GRID2: variants seen among roughly 807,000 people sequenced by gnomAD.
GRID2 encodes glutamate receptor ionotropic, delta-2.
Under a neutral mutation model 114.8 loss-of-function variants are expected in GRID2, and 33 were observed. That is an observed-to-expected ratio of 0.29 (90% CI 0.22 to 0.38). The LOEUF is 0.38. Among genes scored for constraint, GRID2 ranks in the 10% least tolerant of loss-of-function variants. GRID2 has a pLI of 1.00. For missense variants in GRID2, 1,184 were observed against 1,257.7 expected, an observed-to-expected ratio of 0.94 and a Z score of 0.89; for synonymous variants, 505 against 449.9, an observed-to-expected ratio of 1.12 and a Z score of -1.55.
chr4:92,940,141 A>T (rs995987732), intron 2 of GRID2, among the ~76,000 whole-genome samples: 2 of 147,170 alleles, frequency 1.4e-5, no homozygotes, highest in Admixed American at 1.5e-4. Context: ...CATTGAAACT[A>T]TAAATTACCT....
At chr4:93,388,407 C>T (rs1035482436) in intron 8 of GRID2, among the ~76,000 whole-genome samples, 15 of 152,040 alleles carry the variant, frequency 9.9e-5, no homozygotes, top group African/African-American at 3.4e-4. Flanking sequence ...GCTTTGGTGT[C>T]GGGATCTTTT....
rs113113146 is a variant in GRID2, at chr4:93,762,005, A to T, written c.2361-7205A>T. ...AGAAGTGCTTCTGCTTCGATGCAAGATTACCTACGTTTTCCAAAGCTAGGA... is the reference window on the plus strand; with the variant it reads ...AGAAGTGCTTCTGCTTCGATGCAAGTTTACCTACGTTTTCCAAAGCTAGGA... On this transcript the variant is annotated intron_variant, in intron 14 of 15. Coordinates refer to ENST00000282020, the MANE Select transcript of GRID2 (RefSeq NM_001510.4). Among the ~76,000 whole-genome samples, 1,077 of 152,308 alleles carry T rather than the reference A, an allele frequency of 7.1e-3. 15 individuals are homozygous for T. Among genetic ancestry groups the T allele is most frequent in the African/African-American group, 0.025 (1,029 of 41,568 alleles).
chr4:93,074,663 T>C (rs1729100627), intron 2 of GRID2, among the ~76,000 whole-genome samples: 1 of 152,066 alleles, frequency 6.6e-6, no homozygotes, highest in African/African-American at 2.4e-5. Context: ...ATCAATGAGA[T>C]AGAGAACAGA....
At chr4:92,518,633 A>C (rs1724621370) in intron 1 of GRID2, among the ~76,000 whole-genome samples, 1 of 151,934 alleles carries the variant, frequency 6.6e-6, no homozygotes, top group South Asian at 2.1e-4. Flanking sequence ...TTTTCACAAC[A>C]ATGGGAATAC....
chr4:92,636,164 G>T (rs62309166), intron 2 of GRID2, among the ~76,000 whole-genome samples: 8,471 of 151,888 alleles, frequency 0.056, 307 homozygotes, highest in East Asian at 0.16. Flanking sequence ...TGGGCCTGCC[G>T]AGTCCTGCTT....
intron 14 of GRID2, among the ~76,000 whole-genome samples, chr4:93,686,217 C>A (rs540020791): frequency 6.6e-6 from 1 of 152,120 alleles, no homozygotes; most frequent in African/African-American, 2.4e-5. Context: ...GCCTTTGAGT[C>A]ACACTCACCT....
chr4:93,690,251 C>T (rs1726437809), intron 14 of GRID2, among the ~76,000 whole-genome samples: 1 of 151,902 alleles, frequency 6.6e-6, no homozygotes, highest in African/African-American at 2.4e-5. Context: ...ATGCTTTCTT[C>T]AAACAAATGC....
intron 2 of GRID2, among the ~76,000 whole-genome samples, chr4:92,764,835 A>C (rs147413574): frequency 0.014 from 2,065 of 152,310 alleles, 24 homozygotes; most frequent in Non-Finnish European, 0.021. Context: ...AGTATTGTAT[A>C]GTAGAAAGCA....
intron 1 of GRID2, among the ~76,000 whole-genome samples, chr4:92,318,686 C>T (rs1034391530): frequency 9.2e-5 from 14 of 151,600 alleles, no homozygotes; most frequent in Non-Finnish European, 1.5e-4. Context: ...GTTGCCCAAG[C>T]TGGTCTCAAA....
chr4:92,940,628 G>C (rs1280695642), intron 2 of GRID2, among the ~76,000 whole-genome samples: 2 of 152,090 alleles, frequency 1.3e-5, no homozygotes, highest in Non-Finnish European at 2.9e-5. Context: ...GTGAGAGAGG[G>C]CATCCCTGTC....
chr4:93,452,371 T>C (rs771846500), intron 10 of GRID2, among the ~76,000 whole-genome samples: 12 of 151,946 alleles, frequency 7.9e-5, no homozygotes, highest in Non-Finnish European at 1.6e-4. Flanking sequence ...TTTCTCAGAG[T>C]GACTGGGATA....
intron 13 of GRID2, among the ~76,000 whole-genome samples, chr4:93,520,708 T>A (rs888986017): frequency 6.6e-6 from 1 of 152,118 alleles, no homozygotes; most frequent in Non-Finnish European, 1.5e-5. Context: ...CCAAATTGTA[T>A]CTTAATTGGT....
At chr4:93,204,408 G>A (rs1742450577) in intron 4 of GRID2, among the ~76,000 whole-genome samples, 1 of 152,070 alleles carries the variant, frequency 6.6e-6, no homozygotes. Flanking sequence ...GAAGATAGAT[G>A]ATTTATTTAT....
chr4:92,861,705 A>C (rs1289151853), intron 2 of GRID2, among the ~76,000 whole-genome samples: 2 of 152,084 alleles, frequency 1.3e-5, no homozygotes, highest in Admixed American at 1.3e-4. Context: ...TGTTCAATAA[A>C]TATGTGATGA....
At chr4:92,683,705 T>G (rs1733763790) in intron 2 of GRID2, among the ~76,000 whole-genome samples, 1 of 151,694 alleles carries the variant, frequency 6.6e-6, no homozygotes, top group Admixed American at 6.6e-5. Flanking sequence ...ACAAAAAAGA[T>G]TAAAAATAAA....
chr4:92,797,576 C>A (rs1208569259), intron 2 of GRID2, among the ~76,000 whole-genome samples: 2 of 151,818 alleles, frequency 1.3e-5, no homozygotes, highest in Admixed American at 6.6e-5. Context: ...TTTGCATACA[C>A]TTTTAAGTTA....
chr4:92,586,643 T>G (rs780992758), intron 1 of GRID2, among the ~76,000 whole-genome samples: 1 of 151,978 alleles, frequency 6.6e-6, no homozygotes, highest in Non-Finnish European at 1.5e-5. Flanking sequence ...CAATGAAAAT[T>G]TAAGCCATTA....
In GRID2 at chr4:92,332,926, A is replaced by G. The variant is rs139930010; in HGVS notation, c.88+28182A>G. On this transcript the variant is annotated intron_variant, in intron 1 of 15. Coordinates refer to ENST00000282020, the MANE Select transcript of GRID2 (RefSeq NM_001510.4). ...CTGTTTCTATTGCTGTCCTGGGCTC[A>G]GTCCACTCAGCAGCTCTCACAGATG... 2.8e-3 allele frequency among the ~76,000 whole-genome samples: 434 copies of G among 152,312 alleles called. 1 individual carries two copies. Among genetic ancestry groups the G allele is most frequent in the Middle Eastern group, 0.02 (6 of 294 alleles).
At chr4:93,668,829 G>A (rs1238368305) in intron 14 of GRID2, among the ~76,000 whole-genome samples, 1 of 151,964 alleles carries the variant, frequency 6.6e-6, no homozygotes, top group Non-Finnish European at 1.5e-5. Flanking sequence ...AGAAAGATAT[G>A]TGCTATAAAA....
Sources: gnomAD v4.1 joint callset for allele counts (sites outside exome capture counted in the v4.1 genomes callset) on GRCh38, gnomAD v4.1.1 for gene constraint, MANE v1.5 for transcripts, NCBI Gene and HGNC (gene_info 2026-07-23, HGNC 2026-07-21) for gene names.